ANK1: variants seen among roughly 807,000 people sequenced by gnomAD.
ANK1 encodes ankyrin-1.
A neutral mutation model predicts 210.4 loss-of-function variants in ANK1; 51 were observed. The observed-to-expected ratio is 0.24, with a 90% CI of 0.19 to 0.31. The LOEUF (loss-of-function observed/expected upper bound fraction) is 0.31, where lower values mean the gene tolerates loss of function less well. Among genes scored for constraint, ANK1 ranks in the 10% least tolerant of loss-of-function variants. The pLI, the probability that ANK1 is intolerant of heterozygous loss-of-function variation, is 1.00. For missense variants in ANK1, 2,051 were observed against 2,504.4 expected (o/e 0.82, Z 3.86); for synonymous variants, 967 against 1,025.9 (o/e 0.94, Z 1.10).
chr8:41,702,023 G>C (rs777988274), intron 21 of ANK1, 29 bp downstream of exon 21: 7 of 1,593,484 alleles, frequency 4.4e-6, no homozygotes, highest in Non-Finnish European at 1.7e-6. Flanking sequence ...AGTGTGTCTG[G>C]GGTGGGTGCG....
chr8:41,746,543 TGAG>T (rs1458995449), intron 2 of ANK1, among the ~76,000 whole-genome samples: 2 of 152,256 alleles, frequency 1.3e-5, no homozygotes, highest in Admixed American at 6.5e-5. Context: ...TGGATACTCA[TGAG>T]GAGGAAAAAC....
In ANK1 at chr8:41,725,866, C is replaced by G. The variant is rs371255992; in HGVS notation, c.507G>C (p.Lys169Asn). The G allele has an allele frequency of 6.2e-7, 1 of 1,612,998 alleles. No homozygotes were observed. The highest frequency in any genetic ancestry group is 8.5e-7 in the Non-Finnish European group (1 of 1,179,832). ...VVAHLINYGT[K>N]GKVRLPALHI... The stretch of plus-strand genomic sequence containing the variant: ...GCAGGGCCGGGAGGCGCACCTTCCC[C>G]TTGGTGCCGTAGTTGATGAGGTGCG... The change falls in exon 6 of 43, where the codon AAG (lysine) becomes AAC (asparagine). Residue 169 changes from lysine to asparagine, a missense_variant. Lys to Asn is a moderately conservative substitution (Grantham distance 94). This residue lies in a region of ANK1 where 1,413 missense variants were observed against 1,707.4 expected (regional missense o/e 0.83). Transcript: ENST00000289734.
chr8:41,683,972 G>T (rs1268217399), intron 37 of ANK1, among the ~76,000 whole-genome samples: 1 of 152,208 alleles, frequency 6.6e-6, no homozygotes, highest in Admixed American at 6.5e-5. Flanking sequence ...GATAGAAAAG[G>T]GGGAGAGGAA....
intron 2 of ANK1, among the ~76,000 whole-genome samples, chr8:41,756,613 T>C (rs1197755693): frequency 6.6e-6 from 1 of 152,170 alleles, no homozygotes; most frequent in Non-Finnish European, 1.5e-5. Flanking sequence ...CGGCTAATTT[T>C]TGTACTTTTA....
intron 1 of ANK1, among the ~76,000 whole-genome samples, chr8:41,848,615 G>A (rs1810549174): frequency 6.6e-6 from 1 of 152,174 alleles, no homozygotes; most frequent in Admixed American, 6.5e-5. Flanking sequence ...ACTGGGAGTT[G>A]GGGGATAAAT....
At chr8:41,805,263 C>G (rs940444617) in intron 1 of ANK1, among the ~76,000 whole-genome samples, 4 of 151,598 alleles carry the variant, frequency 2.6e-5, no homozygotes, top group Non-Finnish European at 5.9e-5. Context: ...CTCTCTCTCT[C>G]TCTGATTCTT....
At chr8:41,774,789 G>A (rs1843654811) in intron 1 of ANK1, among the ~76,000 whole-genome samples, 1 of 152,260 alleles carries the variant, frequency 6.6e-6, no homozygotes, top group Non-Finnish European at 1.5e-5. Context: ...TTTCCCCACT[G>A]CGCAAGGAAT....
In ANK1 at chr8:41,684,390, A is replaced by C. The variant is rs1487582735; in HGVS notation, c.4537+154T>G. The C allele has an allele frequency of 4.0e-6, 5 of 1,260,418 alleles. No individual in the cohort carries two copies. The East Asian group carries it at 1.2e-4, about 29-fold the overall frequency. The allele number at this position is 1,260,418 out of a possible 1,614,324, so 78.1% of individuals were successfully genotyped here. The stretch of plus-strand genomic sequence containing the variant: ...CTCTCCTTCGCCTCTGCTTCCCCGG[A>C]AAGGAGGAACTTGTTGCTGACAAAC... On this transcript the variant is annotated intron_variant, in intron 37 of 42. Transcript: ENST00000289734.
intron 2 of ANK1, among the ~76,000 whole-genome samples, chr8:41,748,964 G>A (rs1434562463): frequency 6.6e-6 from 1 of 152,012 alleles, no homozygotes; most frequent in Non-Finnish European, 1.5e-5. Flanking sequence ...GAACCTGGGA[G>A]GCGGAGCTTG....
rs2080437401 is a variant in ANK1 at position 41,708,971 on chromosome 8, C to T, written c.1805G>A (p.Gly602Asp). ...GGCAGCGATGTGCAAAGGGGTGTAG[C>T]CATTCTGAAACAGAAGAAGCCGCCC... is the stretch of plus-strand genomic sequence containing the variant. ...GGSPHSPAWN[G>D]YTPLHIAAKQ... The change falls in exon 17 of 43, where the codon GGC becomes GAC. Residue 602 changes from glycine (G) to aspartate (D), a missense_variant. Gly to Asp is a moderately conservative substitution (Grantham distance 94, BLOSUM62 -1). Around this residue, in one of 6 missense-constraint regions of ANK1, gnomAD observed 1,413 missense variants for 1,707.4 expected, o/e 0.83. Coordinates refer to ENST00000289734, the MANE Select transcript of ANK1 (RefSeq NM_000037.4). The T allele has an allele frequency of 1.2e-6, 2 of 1,613,970 alleles. No individual in the cohort carries two copies. The highest frequency in any genetic ancestry group is 1.7e-6 in the Non-Finnish European group (2 of 1,180,030).
chr8:41,831,277 A>G (rs1806556946), intron 1 of ANK1, among the ~76,000 whole-genome samples: 1 of 152,230 alleles, frequency 6.6e-6, no homozygotes, highest in South Asian at 2.1e-4. Context: ...TCAAGCCCCA[A>G]GAGTTTCTTC....
At chr8:41,843,994 C>T (rs1363003771) in intron 1 of ANK1, among the ~76,000 whole-genome samples, 1 of 152,208 alleles carries the variant, frequency 6.6e-6, no homozygotes, top group African/African-American at 2.4e-5. Context: ...CCTGCTTCAG[C>T]CTCCCCAGTA....
chr8:41,657,095 AACACCTCCACCCC>A (rs1352616922), intron 42 of ANK1, among the ~76,000 whole-genome samples: 1 of 152,080 alleles, frequency 6.6e-6, no homozygotes, highest in African/African-American at 2.4e-5. Flanking sequence ...TGCCGCCCTC[AACACCTCCACCCC>A]ACAAAACCTT....
At chr8:41,752,201 C>T (rs1837874726) in intron 2 of ANK1, among the ~76,000 whole-genome samples, 1 of 152,164 alleles carries the variant, frequency 6.6e-6, no homozygotes, top group Admixed American at 6.5e-5. Flanking sequence ...CATGTATGTG[C>T]CCATCCTCTT....
chr8:41,683,903 C>T (rs942190473), intron 37 of ANK1, among the ~76,000 whole-genome samples: 3 of 152,066 alleles, frequency 2.0e-5, no homozygotes, highest in East Asian at 1.9e-4. Flanking sequence ...CTGGATCTCA[C>T]GGGGGATCCC....
intron 1 of ANK1, among the ~76,000 whole-genome samples, chr8:41,876,331 C>T (rs967613267): frequency 6.6e-5 from 10 of 152,206 alleles, no homozygotes; most frequent in Non-Finnish European, 1.5e-4. Context: ...GGGCCTTGTC[C>T]CCACCCAGGT....
chr8:41,663,292 T>C (rs989678573), intron 40 of ANK1, among the ~76,000 whole-genome samples: 10 of 152,250 alleles, frequency 6.6e-5, no homozygotes, highest in African/African-American at 2.4e-4. Context: ...GCCCACATTC[T>C]TTTTATTTGA....
chr8:41,759,461 G>A (rs978779245), intron 1 of ANK1, among the ~76,000 whole-genome samples: 6 of 152,142 alleles, frequency 3.9e-5, no homozygotes, highest in South Asian at 2.1e-4. Flanking sequence ...AGCCGAGATC[G>A]CACCACTCCA....
intron 1 of ANK1, among the ~76,000 whole-genome samples, chr8:41,794,177 C>T (rs969268252): frequency 3.3e-5 from 5 of 152,178 alleles, no homozygotes; most frequent in African/African-American, 1.2e-4. Context: ...CTTCTCATCT[C>T]GCTCAAGGCA....
Sources: gnomAD v4.1 joint callset for allele counts (sites outside exome capture counted in the v4.1 genomes callset) on GRCh38, gnomAD v4.1.1 for gene constraint, gnomAD v4.1.1 regional missense constraint, MANE v1.5 for transcripts, NCBI Gene and HGNC (gene_info 2026-07-23, HGNC 2026-07-21) for gene names.